The following CDR2 variants were observed in gnomAD, a reference collection of about 807,000 sequenced individuals.
CDR2 encodes cerebellar degeneration-related protein 2.
Under a neutral mutation model 48.4 loss-of-function variants are expected in CDR2, and 34 were observed. The observed-to-expected ratio is 0.70, with a 90% CI of 0.53 to 0.94. The LOEUF (loss-of-function observed/expected upper bound fraction) is 0.94. CDR2 is among the 40% of genes least tolerant of loss of function. The probability of loss-of-function intolerance (pLI) is 0.00; values close to 1 mark genes in which losing one functional copy is unlikely to be tolerated. For missense variants in CDR2, 498 were observed against 549.5 expected, an observed-to-expected ratio of 0.91 and a Z score of 0.94; for synonymous variants, 240 against 219.7, an observed-to-expected ratio of 1.09 and a Z score of -0.82.
intron 2 of CDR2, 58 bp from the exon 3 acceptor site, chr16:22,349,907 G>C (rs910490434): frequency 1.9e-5 from 29 of 1,545,798 alleles, no homozygotes; most frequent in Non-Finnish European, 2.5e-5. Context: ...GCTGTTTCTT[G>C]GCTGGCTGCG....
intron 1 of CDR2, among the ~76,000 whole-genome samples, chr16:22,368,377 T>A (rs1014898930): frequency 1.3e-5 from 2 of 152,152 alleles, no homozygotes; most frequent in Non-Finnish European, 2.9e-5. Flanking sequence ...ACCTGGCTAA[T>A]TTTTGTATTG....
rs200274411 is a variant in CDR2 at position 22,347,590 on chromosome 16, G to A, written c.740C>T (p.Ala247Val). 59 of 1,614,080 alleles carry A rather than the reference G, an allele frequency of 3.7e-5. No homozygotes were observed. The highest frequency in any genetic ancestry group is 3.6e-4 in the African/African-American group (27 of 75,012). Residue 247 changes from alanine to valine, a missense_variant, in exon 5 of 5, where the codon GCG (alanine) becomes GTG (valine). Physicochemically the swap from Ala to Val is moderately conservative, Grantham distance 64 (BLOSUM62 0). Coordinates refer to ENST00000268383, the MANE Select transcript of CDR2 (RefSeq NM_001802.2). Reference sequence around the variant, plus strand: ...TGCCACCTCGGCCTCTAGTTCCAGCGCCCGTGCTCGGTAGGCACCTGTGGC... The same window carrying A: ...TGCCACCTCGGCCTCTAGTTCCAGCACCCGTGCTCGGTAGGCACCTGTGGC... Reference protein sequence around the residue: ...LGATGAYRARALELEAEVAEM... With the variant: ...LGATGAYRARVLELEAEVAEM...
Position 22,346,866 on chromosome 16 carries a change from C to G in CDR2, c.*99G>C. The G allele has an allele frequency of 7.6e-7, 1 of 1,318,372 alleles. No homozygotes were observed. Among genetic ancestry groups the G allele is most frequent in the East Asian group, 2.3e-5 (1 of 43,012 alleles). The allele number at this position is 1,318,372 out of a possible 1,614,324, so 81.7% of individuals were successfully genotyped here. A position where few individuals can be genotyped will look rare whatever the true frequency, so the allele number is the denominator to read the frequency against. On this transcript the variant is annotated 3_prime_UTR_variant, in exon 5 of 5. Coordinates refer to ENST00000268383, the MANE Select transcript of CDR2 (RefSeq NM_001802.2). The stretch of plus-strand genomic sequence containing the variant: ...ATAAGCAAAGCAATGAGGCAAACGT[C>G]ATGAGTAACATTAGGCTTCAGAGTC...
intron 2 of CDR2, among the ~76,000 whole-genome samples, chr16:22,358,725 T>G (rs2048992641): frequency 6.6e-6 from 1 of 152,190 alleles, no homozygotes; most frequent in Non-Finnish European, 1.5e-5. Context: ...CTATTACTTT[T>G]GAAAAATCTC....
intron 1 of CDR2, among the ~76,000 whole-genome samples, chr16:22,373,226 C>A (rs989090772): frequency 4.6e-5 from 7 of 152,220 alleles, no homozygotes; most frequent in African/African-American, 1.7e-4. Flanking sequence ...AGGGGCCCCA[C>A]TGGCCCCAAA....
At chr16:22,356,383 C>G (rs538624705) in intron 2 of CDR2, among the ~76,000 whole-genome samples, 1 of 152,148 alleles carries the variant, frequency 6.6e-6, no homozygotes, top group Non-Finnish European at 1.5e-5. Flanking sequence ...TCTGGGAGGC[C>G]GAGGTGGGCA....
chr16:22,349,550 G>T, intron 3 of CDR2, 107 bp from the exon 4 acceptor site: 1 of 1,426,250 alleles, frequency 7.0e-7, no homozygotes, highest in Non-Finnish European at 9.6e-7. Flanking sequence ...TTCTTAATTG[G>T]AAAGGATGTC....
chr16:22,362,647 G>A (rs1320556880), intron 2 of CDR2, among the ~76,000 whole-genome samples: 2 of 152,224 alleles, frequency 1.3e-5, no homozygotes, highest in Non-Finnish European at 2.9e-5. Flanking sequence ...AAACAGTGAT[G>A]ATCGTTTAGG....
intron 1 of CDR2, among the ~76,000 whole-genome samples, chr16:22,365,464 G>GGGGATATATGTCATAT (rs2049039150): frequency 6.6e-6 from 1 of 152,058 alleles, no homozygotes; most frequent in Non-Finnish European, 1.5e-5. Flanking sequence ...ATATATCCTG[G>GGGGATATATGTCATAT]ACTCCTAAGG....
At chr16:22,359,587 ACTC>A (rs898021434) in intron 2 of CDR2, among the ~76,000 whole-genome samples, 11 of 152,062 alleles carry the variant, frequency 7.2e-5, no homozygotes, top group Non-Finnish European at 1.6e-4. Context: ...CCCTCAGAAA[ACTC>A]CTACACCAAA....
chr16:22,374,180 G>C (rs1406196123), intron 1 of CDR2, 51 bp downstream of exon 1: 37 of 1,200,196 alleles, frequency 3.1e-5, no homozygotes, highest in Non-Finnish European at 4.0e-5. Context: ...TTCGCAGCGG[G>C]GGCCTCCCGG....
chr16:22,364,660 C>T (rs531136361), intron 2 of CDR2, among the ~76,000 whole-genome samples: 31 of 152,040 alleles, frequency 2.0e-4, no homozygotes, highest in African/African-American at 7.5e-4. Context: ...GACAGGAGTT[C>T]GAGACCAGCC....
intron 1 of CDR2, chr16:22,368,972 TCACA>T (rs1461420693): frequency 4.6e-5 from 7 of 152,198 alleles, no homozygotes. Flanking sequence ...GATTTTGTAC[TCACA>T]GAGTGTGTAA....
chr16:22,348,454 C>G (rs2048921469), intron 4 of CDR2, among the ~76,000 whole-genome samples: 1 of 152,160 alleles, frequency 6.6e-6, no homozygotes, highest in Non-Finnish European at 1.5e-5. Context: ...AGATTCCAAC[C>G]TAGTTGGTCT....
At chr16:22,373,994 G>A (rs2049098240) in intron 1 of CDR2, among the ~76,000 whole-genome samples, 1 of 152,226 alleles carries the variant, frequency 6.6e-6, no homozygotes, top group African/African-American at 2.4e-5. Flanking sequence ...GCTCGTCCCT[G>A]GCCCCCACGC....
At chr16:22,373,806 C>T (rs1825799004) in intron 1 of CDR2, among the ~76,000 whole-genome samples, 2 of 152,266 alleles carry the variant, frequency 1.3e-5, no homozygotes, top group Admixed American at 6.5e-5. Context: ...CTACCACCTG[C>T]AGCAGCCGGC....
At chr16:22,349,921 G>T in intron 2 of CDR2, 72 bp from the exon 3 acceptor site, 1 of 1,435,290 alleles carries the variant, frequency 7.0e-7, no homozygotes, top group Non-Finnish European at 9.7e-7. Flanking sequence ...GGCTGCGGTG[G>T]CTCACGCCTG....
intron 2 of CDR2, among the ~76,000 whole-genome samples, chr16:22,361,904 T>C (rs1271153327): frequency 7.0e-6 from 1 of 142,550 alleles, no homozygotes; most frequent in East Asian, 2.0e-4. Context: ...ATACTTTTTT[T>C]TTTTTTTTTT....
At position 22,349,772 on chromosome 16, in the gene CDR2, T is replaced by C. The variant is rs1429919399; in HGVS notation, c.270A>G (p.Thr90=). The change falls in exon 3 of 5, where the codon ACA becomes ACG. Residue 90 remains threonine, a synonymous_variant. Coordinates refer to ENST00000268383, the MANE Select transcript of CDR2 (RefSeq NM_001802.2). ...HAKVYEQLDV[T]ARELEETNQK... ...GATTTGTTTCTTCCAGTTCCCTTGCTGTGACGTCTAATTGTTCATAAACCT... is the reference window on the plus strand; with the variant it reads ...GATTTGTTTCTTCCAGTTCCCTTGCCGTGACGTCTAATTGTTCATAAACCT... The C allele has an allele frequency of 6.2e-7, 1 of 1,614,138 alleles. No individual in the cohort carries two copies. Among genetic ancestry groups the C allele is most frequent in the South Asian group, 1.1e-5 (1 of 91,080 alleles).
Sources: allele counts gnomAD v4.1 joint callset (sites outside exome capture counted in the v4.1 genomes callset), GRCh38; gene constraint gnomAD v4.1.1; transcripts MANE v1.5; gene names NCBI Gene and HGNC (gene_info 2026-07-23, HGNC 2026-07-21).